The following GPRC5A variants were observed in gnomAD, a reference collection of about 807,000 sequenced individuals.
GPRC5A encodes retinoic acid-induced protein 3.
Under a neutral mutation model 22.5 loss-of-function variants are expected in GPRC5A, and 19 were observed. The ratio of observed to expected loss-of-function variants is 0.85; its 90% CI spans 0.59 to 1.24. The LOEUF (loss-of-function observed/expected upper bound fraction) is 1.24. GPRC5A is among the 50% of genes most tolerant of loss of function. GPRC5A has a pLI of 0.00. For synonymous variants in GPRC5A, 192 were observed against 184.5 expected (o/e 1.04, Z -0.33); for missense variants, 471 against 451.1 (o/e 1.04, Z -0.40).
intron 1 of GPRC5A, among the ~76,000 whole-genome samples, chr12:12,896,474 AT>A (rs1439743333): frequency 6.6e-6 from 1 of 152,212 alleles, no homozygotes; most frequent in African/African-American, 2.4e-5. Context: ...ATAATCCTTT[AT>A]CAAGGGCAGA....
chr12:12,905,668 T>C (rs986129781), intron 1 of GPRC5A, among the ~76,000 whole-genome samples: 2 of 152,180 alleles, frequency 1.3e-5, no homozygotes, highest in African/African-American at 4.8e-5. Flanking sequence ...GACACTCCTT[T>C]CTCTTTTTCG....
At chr12:12,902,839 G>A (rs1863903516) in intron 1 of GPRC5A, among the ~76,000 whole-genome samples, 1 of 152,196 alleles carries the variant, frequency 6.6e-6, no homozygotes, top group African/African-American at 2.4e-5. Context: ...ATGCTGAGGT[G>A]GGTGGATCAG....
At chr12:12,907,773 A>C (rs1030851340) in intron 1 of GPRC5A, among the ~76,000 whole-genome samples, 1 of 152,188 alleles carries the variant, frequency 6.6e-6, no homozygotes, top group Non-Finnish European at 1.5e-5. Flanking sequence ...CTGGGACTAC[A>C]GGTGCGTGCC....
chr12:12,905,082 G>C (rs554202601), intron 1 of GPRC5A, among the ~76,000 whole-genome samples: 1 of 151,864 alleles, frequency 6.6e-6, no homozygotes, highest in Non-Finnish European at 1.5e-5. Flanking sequence ...ACAGGGTTTC[G>C]CCATGTTGGC....
Position 12,916,153 on chromosome 12 carries a change from TA to T in GPRC5A, c.*3615del, listed in dbSNP as rs1864062037. 5.9e-6 allele frequency: 1 copy of T among 168,458 alleles called. No homozygotes were observed. Among genetic ancestry groups the T allele is most frequent in the Admixed American group, 6.4e-5 (1 of 15,702 alleles). 10.4% of individuals were successfully genotyped at this position (168,458 alleles called of 1,614,324 possible). ...CTGGAGAACATTCCGAAGCCGTTCT[TA>T]TAAGTGTCTCCATCTCTACCTGGGC... On this transcript the variant is annotated 3_prime_UTR_variant, in exon 4 of 4. Coordinates refer to ENST00000014914, the MANE Select transcript of GPRC5A (RefSeq NM_003979.4).
intron 1 of GPRC5A, among the ~76,000 whole-genome samples, chr12:12,906,419 A>G (rs1045932786): frequency 6.6e-6 from 1 of 152,106 alleles, no homozygotes; most frequent in Middle Eastern, 3.4e-3. Context: ...AAAATACAAA[A>G]ATTAGCGGGG....
chr12:12,894,739 G>T, intron 1 of GPRC5A, among the ~76,000 whole-genome samples: 1 of 137,046 alleles, frequency 7.3e-6, no homozygotes, highest in African/African-American at 2.6e-5. Context: ...GTATTTTGGT[G>T]CTATATTAGT....
At chr12:12,907,779 G>A (rs1863957861) in intron 1 of GPRC5A, among the ~76,000 whole-genome samples, 2 of 152,088 alleles carry the variant, frequency 1.3e-5, no homozygotes, top group South Asian at 2.1e-4. Context: ...CTACAGGTGC[G>A]TGCCACCATG....
At chr12:12,901,301 C>T (rs547459969) in intron 1 of GPRC5A, among the ~76,000 whole-genome samples, 6 of 152,236 alleles carry the variant, frequency 3.9e-5, no homozygotes, top group South Asian at 2.1e-4. Flanking sequence ...GAGCCACCTG[C>T]GGCCACTAAG....
At position 12,914,974 on chromosome 12, in the gene GPRC5A, G is replaced by A. The variant is rs1489673936; in HGVS notation, c.*2435G>A. Reference sequence around the variant, plus strand: ...TCTTCATACTACCAACCAAGCAAGGGAGGAGGAGTAAAAGGTAAAATCACA... The same window carrying A: ...TCTTCATACTACCAACCAAGCAAGGAAGGAGGAGTAAAAGGTAAAATCACA... On this transcript the variant is annotated 3_prime_UTR_variant, in exon 4 of 4. Transcript: ENST00000014914. 6.6e-6 allele frequency: 1 copy of A among 151,250 alleles called. No individual in the cohort carries two copies. The highest frequency in any genetic ancestry group is 6.6e-5 in the Admixed American group (1 of 15,094). The allele number at this position is 151,250 out of a possible 1,614,324, so 9.4% of individuals were successfully genotyped here.
At chr12:12,905,220 G>A (rs748019092) in intron 1 of GPRC5A, among the ~76,000 whole-genome samples, 1 of 152,130 alleles carries the variant, frequency 6.6e-6, no homozygotes, top group Admixed American at 6.6e-5. Context: ...TCTGCTCTAA[G>A]GAAAGAGGCA....
Position 12,908,661 on chromosome 12 carries a change from G to A in GPRC5A, c.412G>A (p.Ala138Thr), listed in dbSNP as rs1219682804. Residue 138 changes from alanine to threonine, a missense_variant, in exon 2 of 4, where the codon GCC becomes ACC. Ala to Thr is a moderately conservative substitution (Grantham distance 58, BLOSUM62 0). Coordinates refer to ENST00000014914, the MANE Select transcript of GPRC5A (RefSeq NM_003979.4). ...TTCCCTGTTGGTGATTCTGGGTCTG[G>A]CCGTGGGCTTCAGCCTAGTCCAGGA... is the stretch of plus-strand genomic sequence containing the variant. Reference protein sequence around the residue: ...PLSLLVILGLAVGFSLVQDVI... With the variant: ...PLSLLVILGLTVGFSLVQDVI... 6.2e-7 allele frequency: 1 copy of A among 1,613,904 alleles called. No homozygotes were observed. The highest frequency in any genetic ancestry group is 1.3e-5 in the African/African-American group (1 of 75,050).
chr12:12,895,821 CAAAAAA>C (rs34696528), intron 1 of GPRC5A, among the ~76,000 whole-genome samples: 11 of 75,628 alleles, frequency 1.5e-4, no homozygotes, highest in South Asian at 5.5e-4. Context: ...ACTAAAAATA[CAAAAAA>C]AAAAAAAAAA....
chr12:12,896,137 T>C (rs747758882), intron 1 of GPRC5A, among the ~76,000 whole-genome samples: 5 of 152,144 alleles, frequency 3.3e-5, no homozygotes, highest in Non-Finnish European at 7.3e-5. Flanking sequence ...TTTAAAAAGA[T>C]GATTTCCAGT....
intron 2 of GPRC5A, 57 bp from the exon 3 acceptor site, chr12:12,912,027 G>A: frequency 1.0e-6 from 1 of 985,394 alleles, no homozygotes; most frequent in Non-Finnish European, 1.6e-6. Context: ...GTGATACAAT[G>A]GGGTGAACAT....
chr12:12,896,487 G>C (rs1455289117), intron 1 of GPRC5A, among the ~76,000 whole-genome samples: 1 of 152,118 alleles, frequency 6.6e-6, no homozygotes, highest in Non-Finnish European at 1.5e-5. Context: ...AAGGGCAGAG[G>C]GATTTCTGTA....
chr12:12,896,667 C>T (rs1407179116), intron 1 of GPRC5A, among the ~76,000 whole-genome samples: 2 of 152,174 alleles, frequency 1.3e-5, no homozygotes, highest in Non-Finnish European at 2.9e-5. Context: ...GCTCAGCAAT[C>T]ACTGTGTAGA....
At position 12,915,717 on chromosome 12, in the gene GPRC5A, C is replaced by T. The variant is rs927133278; in HGVS notation, c.*3178C>T. On this transcript the variant is annotated 3_prime_UTR_variant, in exon 4 of 4. Coordinates refer to ENST00000014914, the MANE Select transcript of GPRC5A (RefSeq NM_003979.4). ...ATATGGGCCAGGCAGATCTCGAACT[C>T]CAAACCTCGTGATCCACCTACCTTG... 12 of 317,302 alleles carry T rather than the reference C, an allele frequency of 3.8e-5. No homozygotes were observed. The highest frequency in any genetic ancestry group is 2.4e-4 in the African/African-American group (11 of 45,674). 19.7% of individuals were successfully genotyped at this position (317,302 alleles called of 1,614,324 possible). A position where few individuals can be genotyped will look rare whatever the true frequency, so the allele number is the denominator to read the frequency against.
intron 1 of GPRC5A, among the ~76,000 whole-genome samples, chr12:12,903,012 C>G (rs898964839): frequency 1.3e-5 from 2 of 151,926 alleles, no homozygotes; most frequent in Admixed American, 1.3e-4. Context: ...GGTTGCCGGG[C>G]GCCGATATCG....
Sources: gnomAD v4.1 joint callset for allele counts (sites outside exome capture counted in the v4.1 genomes callset) on GRCh38, gnomAD v4.1.1 for gene constraint, MANE v1.5 for transcripts, NCBI Gene and HGNC (gene_info 2026-07-23, HGNC 2026-07-21) for gene names.